Variants in DNAJB13 observed in about 807,000 individuals in gnomAD.
DNAJB13 encodes the protein DnaJ heat shock protein family (Hsp40) member B13.
DNAJB13 carries 22 observed loss-of-function variants against 35.6 expected under a neutral mutation model. The ratio of observed to expected loss-of-function variants is 0.62; its 90% CI spans 0.44 to 0.88. The LOEUF (loss-of-function observed/expected upper bound fraction) is 0.88, where lower values mean the gene tolerates loss of function less well. Ranked by LOEUF, DNAJB13 falls within the 40% of genes least tolerant of loss-of-function variation. The pLI, the probability that DNAJB13 is intolerant of heterozygous loss-of-function variation, is 0.00. For missense variants in DNAJB13, 370 were observed against 384.3 expected, an observed-to-expected ratio of 0.96 and a Z score of 0.31; for synonymous variants, 136 against 144.2, an observed-to-expected ratio of 0.94 and a Z score of 0.41.
At position 73,959,739 on chromosome 11, in the gene DNAJB13, A is replaced by G. The variant is rs759118705; in HGVS notation, c.334+84A>G. Reference sequence around the variant, plus strand: ...GTTTTCGTTGAGTAGTTTTGTTTTTATTTTTACTTTATTATTTTATTTTAT... The same window carrying G: ...GTTTTCGTTGAGTAGTTTTGTTTTTGTTTTTACTTTATTATTTTATTTTAT... On this transcript the variant is annotated intron_variant, in intron 3 of 7. Transcript: ENST00000339764. 8 of 1,294,496 alleles carry G rather than the reference A, an allele frequency of 6.2e-6. No homozygotes were observed. The Admixed American group carries it at 1.4e-4, about 23-fold the overall frequency. 80.2% of individuals were successfully genotyped at this position (1,294,496 alleles called of 1,614,324 possible). A position where few individuals can be genotyped will look rare whatever the true frequency, so the allele number is the denominator to read the frequency against.
intron 1 of DNAJB13, among the ~76,000 whole-genome samples, chr11:73,954,639 A>ATAAATC: frequency 8.3e-6 from 1 of 119,930 alleles, no homozygotes; most frequent in African/African-American, 3.6e-5. Flanking sequence ...CAAAAAAAAA[A>ATAAATC]AATAAAATAA....
chr11:73,966,345 C>A, intron 5 of DNAJB13, 94 bp downstream of exon 5: 1 of 1,206,046 alleles, frequency 8.3e-7, no homozygotes, highest in Non-Finnish European at 1.2e-6. Flanking sequence ...AATACTTTTT[C>A]CTGCCCCTGT....
chr11:73,969,903 C>T, intron 7 of DNAJB13, 58 bp from the exon 8 acceptor site: 1 of 1,547,456 alleles, frequency 6.5e-7, no homozygotes, highest in East Asian at 2.3e-5. Context: ...ATGACAGGGA[C>T]CTGCTGAGGT....
chr11:73,954,629 CAAAAAA>C (rs371177631), intron 1 of DNAJB13, among the ~76,000 whole-genome samples: 6,360 of 111,650 alleles, frequency 0.057, 223 homozygotes, highest in Middle Eastern at 0.15. Context: ...GACTCCGTCT[CAAAAAA>C]AAAAAATAAA....
At chr11:73,957,542 G>A (rs1309867452) in intron 1 of DNAJB13, among the ~76,000 whole-genome samples, 2 of 152,166 alleles carry the variant, frequency 1.3e-5, no homozygotes, top group East Asian at 3.8e-4. Context: ...CAGCTGGTAC[G>A]ACTTGTATCA....
chr11:73,969,866 TC>T (rs1951231970), intron 7 of DNAJB13, 94 bp from the exon 8 acceptor site: 11 of 1,457,790 alleles, frequency 7.5e-6, no homozygotes, highest in Admixed American at 2.3e-5. Flanking sequence ...ACTGTCCCCT[TC>T]CTGGGGTTAT....
In DNAJB13 at chr11:73,969,148, C is replaced by G. The variant is rs1326603002; in HGVS notation, c.721-98C>G. ...ACAGCCTCGTCTCCCTTGTGCCCAA[C>G]TCACAGTCTGGCACTGGACAGGTTC... On this transcript the variant is annotated intron_variant, in intron 6 of 7. Coordinates refer to ENST00000339764, the MANE Select transcript of DNAJB13 (RefSeq NM_153614.4). 5 of 621,232 alleles carry G rather than the reference C, an allele frequency of 8.0e-6. No individual in the cohort carries two copies. The East Asian group carries it at 1.2e-4, about 15-fold the overall frequency. The allele number at this position is 621,232 out of a possible 1,614,324, so 38.5% of individuals were successfully genotyped here.
At chr11:73,955,526 C>T (rs1208417453) in intron 1 of DNAJB13, among the ~76,000 whole-genome samples, 1 of 151,948 alleles carries the variant, frequency 6.6e-6, no homozygotes, top group Non-Finnish European at 1.5e-5. Flanking sequence ...CCAGCCTGGT[C>T]TCGAACTCCT....
In DNAJB13 at chr11:73,964,817, G is replaced by C. The variant is rs574879360; in HGVS notation, c.335-61G>C. The C allele has an allele frequency of 1.5e-4, 234 of 1,512,948 alleles. 2 individuals carry two copies. The highest frequency in any genetic ancestry group is 4.2e-4 in the African/African-American group (29 of 68,332). 93.7% of individuals were successfully genotyped at this position (1,512,948 alleles called of 1,614,324 possible). A position where few individuals can be genotyped will look rare whatever the true frequency, so the allele number is the denominator to read the frequency against. ...TGTGTGTGTGTGTGTGTGTGTGCGC[G>C]CGCGCGCATGTCTGGGTCTCTGGAT... is the stretch of plus-strand genomic sequence containing the variant. On this transcript the variant is annotated intron_variant, in intron 3 of 7. Coordinates refer to ENST00000339764, the MANE Select transcript of DNAJB13 (RefSeq NM_153614.4).
At chr11:73,956,891 A>G (rs925902411) in intron 1 of DNAJB13, among the ~76,000 whole-genome samples, 26 of 151,512 alleles carry the variant, frequency 1.7e-4, no homozygotes, top group Middle Eastern at 3.5e-3. Flanking sequence ...ACTTGGAGGT[A>G]GTCTTTGGCT....
In DNAJB13 at chr11:73,964,815, G is replaced by A. The variant is rs200302784; in HGVS notation, c.335-63G>A. The stretch of plus-strand genomic sequence containing the variant: ...TGTGTGTGTGTGTGTGTGTGTGTGC[G>A]CGCGCGCGCATGTCTGGGTCTCTGG... On this transcript the variant is annotated intron_variant, in intron 3 of 7. Transcript: ENST00000339764. The A allele has an allele frequency of 5.3e-5, 52 of 976,816 alleles. 2 individuals carry two copies. Among genetic ancestry groups the A allele is most frequent in the Non-Finnish European group, 7.4e-5 (49 of 665,252 alleles). 60.5% of individuals were successfully genotyped at this position (976,816 alleles called of 1,614,324 possible).
chr11:73,955,230 G>C (rs1950706767), intron 1 of DNAJB13, among the ~76,000 whole-genome samples: 1 of 151,988 alleles, frequency 6.6e-6, no homozygotes, highest in South Asian at 2.1e-4. Context: ...AGGTGAATGA[G>C]AGTGATGTTA....
intron 3 of DNAJB13, among the ~76,000 whole-genome samples, chr11:73,962,430 CGGATGGCTGGGTAAATGAAT>C (rs1197256765): frequency 2.1e-5 from 3 of 145,862 alleles, no homozygotes; most frequent in Admixed American, 6.7e-5. Context: ...GGTAGGCGGA[CGGATGGCTGGGTAAATGAAT>C]GGATGGCTGG....
At chr11:73,968,551 T>C in intron 6 of DNAJB13, 93 bp downstream of exon 6, 2 of 1,012,940 alleles carry the variant, frequency 2.0e-6, no homozygotes, top group South Asian at 3.1e-5. Flanking sequence ...CACAACCACC[T>C]GCCATCAGTC....
chr11:73,964,513 T>G, intron 3 of DNAJB13: 1 of 246,458 alleles, frequency 4.1e-6, no homozygotes. Flanking sequence ...CCAGAGGGAG[T>G]GCCTCCCTTT....
chr11:73,967,744 AAAAAC>A (rs1160794043), intron 5 of DNAJB13, among the ~76,000 whole-genome samples: 9 of 152,320 alleles, frequency 5.9e-5, no homozygotes, highest in African/African-American at 2.2e-4. Context: ...GATCCTGTCT[AAAAAC>A]AAAACAAACA....
intron 3 of DNAJB13, among the ~76,000 whole-genome samples, chr11:73,960,647 G>A (rs1950908411): frequency 6.6e-6 from 1 of 152,214 alleles, no homozygotes; most frequent in Admixed American, 6.5e-5. Flanking sequence ...TTCCTCAGAA[G>A]CAGCTACTAG....
intron 1 of DNAJB13, among the ~76,000 whole-genome samples, chr11:73,952,558 C>T (rs1188007096): frequency 3.3e-5 from 5 of 152,048 alleles, no homozygotes; most frequent in African/African-American, 4.8e-5. Flanking sequence ...GGAGAGTCTG[C>T]GGTGTTGGAG....
In DNAJB13 at chr11:73,970,102, AT is replaced by A; in HGVS notation, c.941del (p.Leu314CysfsTer2). 1.2e-6 allele frequency: 2 copies of A among 1,605,044 alleles called. No homozygotes were observed. The highest frequency in any genetic ancestry group is 2.7e-5 in the African/African-American group (2 of 74,872). ...AGAAGAAGCAGATGCTGCGCCAGGC[AT>A]TGCTGACATGACTGTGGTGGGCTGG... ...PQKKQMLRQA[L>X]LT On this transcript the variant is annotated frameshift_variant, in exon 8 of 8. Transcript: ENST00000339764. LOFTEE classifies it high-confidence loss of function.
Sources: gnomAD v4.1 joint callset for allele counts (sites outside exome capture counted in the v4.1 genomes callset) on GRCh38, gnomAD v4.1.1 for gene constraint, MANE v1.5 for transcripts, NCBI Gene and HGNC (gene_info 2026-07-23, HGNC 2026-07-21) for gene names.